TULP4: variants seen among roughly 807,000 people sequenced by gnomAD.
The protein encoded by TULP4 is tubby-related protein 4.
Under a neutral mutation model 129.0 loss-of-function variants are expected in TULP4, and 16 were observed. The ratio of observed to expected loss-of-function variants is 0.12; its 90% confidence interval spans 0.08 to 0.19. The LOEUF (loss-of-function observed/expected upper bound fraction) is 0.19, where lower values mean the gene tolerates loss of function less well. TULP4 is among the 10% of genes least tolerant of loss of function. The pLI, the probability that TULP4 is intolerant of heterozygous loss-of-function variation, is 1.00. For missense variants in TULP4, 1,842 were observed against 2,059.1 expected (o/e 0.89, Z 2.04); for synonymous variants, 998 against 854.0 (o/e 1.17, Z -2.94).
intron 2 of TULP4, among the ~76,000 whole-genome samples, chr6:158,415,471 T>A (rs1412028996): frequency 1.3e-5 from 2 of 150,530 alleles, no homozygotes; most frequent in African/African-American, 4.9e-5. Flanking sequence ...TGCTTCAGCC[T>A]CCTGAGTAGC....
chr6:158,481,005 C>G (rs2128250605), intron 7 of TULP4, 50 bp from the exon 8 acceptor site: 3 of 1,502,270 alleles, frequency 2.0e-6, no homozygotes, highest in Non-Finnish European at 2.7e-6. Flanking sequence ...TTCCCTCTCT[C>G]TCTGCCTCTC....
At chr6:158,423,487 C>T (rs56049825) in intron 2 of TULP4, among the ~76,000 whole-genome samples, 41,765 of 151,910 alleles carry the variant, frequency 0.27, 6,347 homozygotes, top group Middle Eastern at 0.35. Context: ...CATGATATGG[C>T]ATTAACTCTG....
In TULP4 at chr6:158,413,118, G is replaced by A. The variant is rs540975475; in HGVS notation, c.306G>A (p.Ala102=). ...EPYQKLATCD[A]DGGIFVWIQY... is the part of the protein sequence containing the mutation. ...ACCAGAAACTGGCCACGTGCGATGCGGACGGAGGCATATTCGTGTGGATTC... is the reference window on the plus strand; with the variant it reads ...ACCAGAAACTGGCCACGTGCGATGCAGACGGAGGCATATTCGTGTGGATTC... Residue 102 remains alanine, a synonymous_variant, in exon 2 of 14, where the codon GCG becomes GCA. Transcript: ENST00000367097. The surrounding 1 kb of genome is among the most constrained non-coding windows in gnomAD (Gnocchi z 4.9). 8.7e-6 allele frequency: 14 copies of A among 1,613,810 alleles called. No individual in the cohort carries two copies. Among genetic ancestry groups the A allele is most frequent in the South Asian group, 1.1e-5 (1 of 91,050 alleles).
At chr6:158,364,957 G>C (rs112149184) in intron 1 of TULP4, among the ~76,000 whole-genome samples, 13 of 151,802 alleles carry the variant, frequency 8.6e-5, no homozygotes, top group Non-Finnish European at 1.0e-4. Flanking sequence ...GGATGGTCTC[G>C]ATCTCCTGAC....
Position 158,238,753 on chromosome 6 carries a change from C to T in TULP4, n.68+6450C>T, listed in dbSNP as rs1777776986. On this transcript the variant is annotated intron_variant and non_coding_transcript_variant, in intron 1 of 1. Transcript: ENST00000620026. ...GAGCACAGGGTTGGGGGTAAGGTCA[C>T]AGATCAACAGGATCCCAAGGCAGAA... 3.0e-5 allele frequency among the ~76,000 whole-genome samples: 3 copies of T among 99,230 alleles called. No homozygotes were observed. The South Asian group carries it at 1.2e-3, about 41-fold the overall frequency. 65.1% of individuals were successfully genotyped at this position (99,230 alleles called of 152,430 possible). A position where few individuals can be genotyped will look rare whatever the true frequency, so the allele number is the denominator to read the frequency against.
chr6:158,432,391 C>T (rs966104019), intron 3 of TULP4, among the ~76,000 whole-genome samples: 8 of 152,120 alleles, frequency 5.3e-5, no homozygotes, highest in Admixed American at 1.3e-4. Context: ...GGGCTCTGAA[C>T]GGTGGACATG....
intron 9 of TULP4, among the ~76,000 whole-genome samples, chr6:158,492,829 G>A (rs1029088564): frequency 6.6e-6 from 1 of 152,090 alleles, no homozygotes; most frequent in African/African-American, 2.4e-5. Flanking sequence ...CTGTCTTTGG[G>A]GTAGACTGTC....
intron 8 of TULP4, among the ~76,000 whole-genome samples, chr6:158,486,448 G>T (rs1263571982): frequency 1.3e-5 from 2 of 152,118 alleles, no homozygotes; most frequent in African/African-American, 4.8e-5. Flanking sequence ...AGCTACTCAG[G>T]AGGCTGAGGC....
intron 1 of TULP4, among the ~76,000 whole-genome samples, chr6:158,359,984 C>T (rs1562534131): frequency 1.3e-5 from 2 of 152,002 alleles, no homozygotes; most frequent in East Asian, 3.9e-4. Flanking sequence ...TTGACTCTGG[C>T]CTTGGGGGAC....
chr6:158,417,923 GCACA>G (rs1274219949), intron 2 of TULP4, among the ~76,000 whole-genome samples: 1 of 152,064 alleles, frequency 6.6e-6, no homozygotes, highest in African/African-American at 2.4e-5. Flanking sequence ...GCTGTACCAG[GCACA>G]CACACTCTGA....
At chr6:158,418,960 A>G (rs1583855041) in intron 2 of TULP4, among the ~76,000 whole-genome samples, 1 of 152,368 alleles carries the variant, frequency 6.6e-6, no homozygotes, top group Non-Finnish European at 1.5e-5. Flanking sequence ...CATAGTTAAA[A>G]TGCATGTAAG....
upstream of TULP4, among the ~76,000 whole-genome samples, chr6:158,308,281 G>T (rs1261086918): frequency 1.3e-5 from 2 of 149,954 alleles, no homozygotes; most frequent in Non-Finnish European, 3.0e-5. Context: ...AACCCTGAGT[G>T]GACACAGCAC....
intron 1 of TULP4, among the ~76,000 whole-genome samples, chr6:158,296,890 G>A (rs955581574): frequency 6.6e-6 from 1 of 152,212 alleles, no homozygotes; most frequent in African/African-American, 2.4e-5. Flanking sequence ...ACATGCTTCT[G>A]AGGAAACAGG....
intron 1 of TULP4, 139 bp downstream of exon 1, chr6:158,314,407 A>T: frequency 9.5e-7 from 1 of 1,056,046 alleles, no homozygotes; most frequent in Non-Finnish European, 1.3e-6. Flanking sequence ...TCTGTCTCTT[A>T]TTCTCTGGCA....
chr6:158,233,768 A>G (rs1317844356), intron 1 of TULP4, among the ~76,000 whole-genome samples: 1 of 152,260 alleles, frequency 6.6e-6, no homozygotes, highest in African/African-American at 2.4e-5. Flanking sequence ...ATATGAATAA[A>G]TTGTGAATAG....
chr6:158,300,196 A>C (rs1344211515), intron 1 of TULP4, among the ~76,000 whole-genome samples: 6 of 152,154 alleles, frequency 3.9e-5, no homozygotes, highest in African/African-American at 1.2e-4. Context: ...GCACCCAGAC[A>C]GGGGATTGAT....
intron 2 of TULP4, among the ~76,000 whole-genome samples, chr6:158,417,589 C>G (rs981134340): frequency 5.3e-5 from 8 of 152,046 alleles, no homozygotes; most frequent in African/African-American, 1.7e-4. Context: ...CAGATCTTAC[C>G]CGACTAAAAA....
At chr6:158,321,386 C>G (rs1482673700) in intron 1 of TULP4, among the ~76,000 whole-genome samples, 1 of 152,102 alleles carries the variant, frequency 6.6e-6, no homozygotes, top group Non-Finnish European at 1.5e-5. Context: ...CTTTAAATCT[C>G]CCTACATGCT....
chr6:158,312,025 T>TTA (rs1779365590), upstream of TULP4: 2 of 344,242 alleles, frequency 5.8e-6, no homozygotes, highest in East Asian at 7.6e-5. Context: ...TTTTTAAATT[T>TTA]TATATCTTTT....
Sources: gnomAD v4.1 joint callset for allele counts (sites outside exome capture counted in the v4.1 genomes callset) on GRCh38, gnomAD v4.1.1 for gene constraint, Gnocchi (gnomAD v3.1) non-coding constraint, MANE v1.5 for transcripts, NCBI Gene and HGNC (gene_info 2026-07-23, HGNC 2026-07-21) for gene names.